UNC5A: variants seen among roughly 807,000 people sequenced by gnomAD.
UNC5A encodes the protein unc-5 netrin receptor A.
Under a neutral mutation model 87.4 loss-of-function variants are expected in UNC5A, and 20 were observed. The observed-to-expected ratio is 0.23, with a 90% CI of 0.16 to 0.33. The LOEUF is 0.33. Ranked by LOEUF, UNC5A falls within the 10% of genes least tolerant of loss-of-function variation. UNC5A has a pLI of 1.00. For missense variants in UNC5A, 844 were observed against 1,133.4 expected, an observed-to-expected ratio of 0.74 and a Z score of 3.67; for synonymous variants, 438 against 482.3, an observed-to-expected ratio of 0.91 and a Z score of 1.20.
chr5:176,813,965 C>T (rs562282669), intron 1 of UNC5A, among the ~76,000 whole-genome samples: 1 of 152,332 alleles, frequency 6.6e-6, no homozygotes, highest in Non-Finnish European at 1.5e-5. Flanking sequence ...GTCCCCTCCT[C>T]CTATTCTCCC....
chr5:176,857,310 A>G (rs1054251059), intron 1 of UNC5A, among the ~76,000 whole-genome samples: 1 of 152,160 alleles, frequency 6.6e-6, no homozygotes, highest in Non-Finnish European at 1.5e-5. Context: ...CAGGCACTCA[A>G]TAATTATTTG....
At chr5:176,818,916 T>A in intron 1 of UNC5A, among the ~76,000 whole-genome samples, 1 of 152,178 alleles carries the variant, frequency 6.6e-6, no homozygotes, top group East Asian at 1.9e-4. Context: ...GTGTTGGCTT[T>A]CCTCACCCGT....
chr5:176,869,652 T>C lies in UNC5A; in HGVS notation c.721+688T>C. ...GTCGACGTGGACCGAGTGGTCCGTC[T>C]GCAGCGCCAGCTGTGGGCGCGGCTG... On this transcript the variant is annotated intron_variant, in intron 5 of 14. Coordinates refer to ENST00000329542, the MANE Select transcript of UNC5A (RefSeq NM_133369.3). This position sits in a 1 kb window ranked among gnomAD's most constrained non-coding sequence, Gnocchi z 9.1. 2.9e-6 allele frequency: 2 copies of C among 700,028 alleles called. No homozygotes were observed. Among genetic ancestry groups the C allele is most frequent in the African/African-American group, 1.7e-5 (1 of 57,280 alleles). The allele number at this position is 700,028 out of a possible 1,614,324, so 43.4% of individuals were successfully genotyped here. A position where few individuals can be genotyped will look rare whatever the true frequency, so the allele number is the denominator to read the frequency against.
At position 176,875,560 on chromosome 5, in the gene UNC5A, G is replaced by A. The variant is rs970489966; in HGVS notation, c.1378+994G>A. Among the ~76,000 whole-genome samples the A allele has an allele frequency of 2.0e-5, 3 of 152,004 alleles. No individual in the cohort carries two copies. The highest frequency in any genetic ancestry group is 7.3e-5 in the African/African-American group (3 of 41,352). Reference sequence around the variant, plus strand: ...TCCCTTGCTGCCTCTCCTGACACGGGCCACCAAACCCCTTACCTGGTTCCT... The same window carrying A: ...TCCCTTGCTGCCTCTCCTGACACGGACCACCAAACCCCTTACCTGGTTCCT... On this transcript the variant is annotated intron_variant, in intron 8 of 14. Coordinates refer to ENST00000329542, the MANE Select transcript of UNC5A (RefSeq NM_133369.3). This position sits in a 1 kb window ranked among gnomAD's most constrained non-coding sequence, Gnocchi z 5.2.
chr5:176,825,476 C>T (rs1372221828), intron 1 of UNC5A, among the ~76,000 whole-genome samples: 1 of 152,124 alleles, frequency 6.6e-6, no homozygotes, highest in Non-Finnish European at 1.5e-5. Context: ...TGAACTGGGA[C>T]AGTGTGAACA....
At chr5:176,850,569 GC>G (rs1237003667) in intron 1 of UNC5A, among the ~76,000 whole-genome samples, 1 of 152,134 alleles carries the variant, frequency 6.6e-6, no homozygotes, top group Non-Finnish European at 1.5e-5. Flanking sequence ...GGGGAGCCTG[GC>G]TAGGGACCCC....
At chr5:176,850,633 C>T (rs1190236218) in intron 1 of UNC5A, among the ~76,000 whole-genome samples, 1 of 152,098 alleles carries the variant, frequency 6.6e-6, no homozygotes, top group Non-Finnish European at 1.5e-5. Flanking sequence ...GAGCCGAGCC[C>T]GGGAAGCCGT....
chr5:176,861,978 T>C (rs1757852104), intron 1 of UNC5A, among the ~76,000 whole-genome samples: 1 of 152,206 alleles, frequency 6.6e-6, no homozygotes, highest in Admixed American at 6.5e-5. Flanking sequence ...ACCTGTGTAA[T>C]TAGCAACAAA....
At position 176,865,316 on chromosome 5, in the gene UNC5A, C is replaced by T. The variant is rs1441392096; in HGVS notation, c.292+2471C>T. ...CCGCACACCCCTCTGTCTGAAACAC[C>T]CCTGCCATTATGAGGGCTCAGATCC... On this transcript the variant is annotated intron_variant, in intron 2 of 14. Transcript: ENST00000329542. This position sits in a 1 kb window ranked among gnomAD's most constrained non-coding sequence, Gnocchi z 5.3. 6.6e-6 allele frequency among the ~76,000 whole-genome samples: 1 copy of T among 152,218 alleles called. No homozygotes were observed. Among genetic ancestry groups the T allele is most frequent in the East Asian group, 1.9e-4 (1 of 5,180 alleles).
intron 1 of UNC5A, among the ~76,000 whole-genome samples, chr5:176,823,036 C>T (rs991397441): frequency 5.9e-5 from 9 of 152,008 alleles, no homozygotes; most frequent in Admixed American, 3.9e-4. Flanking sequence ...GGAGACCAGC[C>T]GGGAGGCTGC....
rs1758250392 is a variant in UNC5A, at chr5:176,875,913, G to A, written c.1379-1279G>A. On this transcript the variant is annotated intron_variant, in intron 8 of 14. Coordinates refer to ENST00000329542, the MANE Select transcript of UNC5A (RefSeq NM_133369.3). The surrounding 1 kb of genome is among the most constrained non-coding windows in gnomAD (Gnocchi z 5.2). ...GCCTCACGTCCACACGGATGATAAC[G>A]AACCCCTCATGGGGCTGTTGGGATG... Among the ~76,000 whole-genome samples, 1 of 152,214 alleles carries A rather than the reference G, an allele frequency of 6.6e-6. No individual in the cohort carries two copies. Among genetic ancestry groups the A allele is most frequent in the Admixed American group, 6.5e-5 (1 of 15,288 alleles).
chr5:176,840,508 A>T (rs534393482), intron 1 of UNC5A, among the ~76,000 whole-genome samples: 251 of 152,308 alleles, frequency 1.6e-3, no homozygotes, highest in African/African-American at 5.8e-3. Context: ...GGGTGACCAC[A>T]TCTCTATCTC....
Position 176,842,492 on chromosome 5 carries a change from G to GATATATATATAT in UNC5A, c.71-20125_71-20114dup, listed in dbSNP as rs35268512. On this transcript the variant is annotated intron_variant, in intron 1 of 14. Transcript: ENST00000329542. ...GTCAATCAACAAATGGAGAAACTGT[G>GATATATATATAT]ATATATATATATATATATGATGGAA... Among the ~76,000 whole-genome samples, 879 of 145,614 alleles carry GATATATATATAT rather than the reference G, an allele frequency of 6.0e-3. 19 individuals are homozygous for GATATATATATAT. Among genetic ancestry groups the GATATATATATAT allele is most frequent in the African/African-American group, 0.021 (785 of 37,714 alleles).
intron 1 of UNC5A, among the ~76,000 whole-genome samples, chr5:176,830,956 C>G: frequency 8.9e-6 from 1 of 112,526 alleles, no homozygotes; most frequent in African/African-American, 3.5e-5. Flanking sequence ...GTGTATGTGC[C>G]GGCGTGTGTG....
chr5:176,868,373 A>G, intron 3 of UNC5A, 100 bp downstream of exon 3: 1 of 1,558,808 alleles, frequency 6.4e-7, no homozygotes, highest in Non-Finnish European at 8.8e-7. Flanking sequence ...CGGTCAGAAA[A>G]CCTCACAGCC....
intron 1 of UNC5A, among the ~76,000 whole-genome samples, chr5:176,834,936 A>G (rs1301081669): frequency 6.6e-6 from 1 of 151,868 alleles, no homozygotes; most frequent in Non-Finnish European, 1.5e-5. Context: ...GACCAGCCTC[A>G]CTCTTCTTAT....
At chr5:176,849,437 T>C (rs912408829) in intron 1 of UNC5A, among the ~76,000 whole-genome samples, 6 of 152,074 alleles carry the variant, frequency 3.9e-5, no homozygotes, top group Admixed American at 1.3e-4. Flanking sequence ...ATACAAAAAT[T>C]ACCTGGGTGT....
rs372832861 is a variant in UNC5A, at chr5:176,869,917, C to T, written c.722-453C>T. The T allele has an allele frequency of 4.4e-5, 25 of 571,720 alleles. No individual in the cohort carries two copies. The highest frequency in any genetic ancestry group is 1.2e-4 in the East Asian group (4 of 33,592). The allele number at this position is 571,720 out of a possible 1,614,324, so 35.4% of individuals were successfully genotyped here. A position where few individuals can be genotyped will look rare whatever the true frequency, so the allele number is the denominator to read the frequency against. Reference sequence around the variant, plus strand: ...ACGCAGGGCCAGGCTCAGTCTGAGGCGGGGATCGGGGTGCGGTGTATGGTT... The same window carrying T: ...ACGCAGGGCCAGGCTCAGTCTGAGGTGGGGATCGGGGTGCGGTGTATGGTT... On this transcript the variant is annotated intron_variant, in intron 5 of 14. Coordinates refer to ENST00000329542, the MANE Select transcript of UNC5A (RefSeq NM_133369.3). The surrounding 1 kb of genome is among the most constrained non-coding windows in gnomAD (Gnocchi z 9.1).
Position 176,844,398 on chromosome 5 carries a change from G to A in UNC5A, c.71-18226G>A, listed in dbSNP as rs1197686013. 1.3e-5 allele frequency among the ~76,000 whole-genome samples: 2 copies of A among 152,168 alleles called. No individual in the cohort carries two copies. Among genetic ancestry groups the A allele is most frequent in the Non-Finnish European group, 2.9e-5 (2 of 68,022 alleles). ...CACTCTGTTCTCCTGGGCCTTCCCT[G>A]TGCCAGGGAAGGAGAGGCCAGGGGA... On this transcript the variant is annotated intron_variant, in intron 1 of 14. Coordinates refer to ENST00000329542, the MANE Select transcript of UNC5A (RefSeq NM_133369.3). This position sits in a 1 kb window ranked among gnomAD's most constrained non-coding sequence, Gnocchi z 4.2.
Sources: allele counts gnomAD v4.1 joint callset (sites outside exome capture counted in the v4.1 genomes callset), GRCh38; gene constraint gnomAD v4.1.1; non-coding constraint Gnocchi (gnomAD v3.1); transcripts MANE v1.5; gene names NCBI Gene and HGNC (gene_info 2026-07-23, HGNC 2026-07-21).